The following PPIG variants were observed in gnomAD, a reference collection of about 807,000 sequenced individuals.
PPIG encodes the protein peptidyl-prolyl cis-trans isomerase G.
In PPIG, 26 loss-of-function variants were observed where a neutral mutation model predicts 87.9. The ratio of observed to expected loss-of-function variants is 0.30; its 90% confidence interval spans 0.22 to 0.41. The LOEUF is 0.41. PPIG is among the 10% of genes least tolerant of loss of function. The pLI is 1.00. For missense variants in PPIG, 722 were observed against 879.4 expected (o/e 0.82, Z 2.26); for synonymous variants, 308 against 276.5 (o/e 1.11, Z -1.13).
rs1297972627 is a variant in PPIG, at chr2:169,639,397, G to A, written c.*1874G>A. 1.4e-5 allele frequency: 2 copies of A among 142,178 alleles called. No individual in the cohort carries two copies. Among genetic ancestry groups the A allele is most frequent in the Non-Finnish European group, 3.1e-5 (2 of 65,442 alleles). 8.8% of individuals were successfully genotyped at this position (142,178 alleles called of 1,614,324 possible). On this transcript the variant is annotated 3_prime_UTR_variant, in exon 14 of 14. Coordinates refer to ENST00000260970, the MANE Select transcript of PPIG (RefSeq NM_004792.3). ...TTAAGAAAGGTGCTATTTAAGAAAG[G>A]ATTTCTAATAACAGTTAAATATTTT...
intron 9 of PPIG, among the ~76,000 whole-genome samples, chr2:169,616,695 T>G (rs11693206): frequency 0.24 from 36,705 of 151,786 alleles, 4,639 homozygotes; most frequent in Non-Finnish European, 0.27. Context: ...GATGGGGTGG[T>G]TTGTTTTTTT....
In PPIG at chr2:169,636,451, CAGTT is replaced by C; in HGVS notation, c.1196_1199del (p.Val399GlufsTer2). 6.4e-7 allele frequency: 1 copy of C among 1,557,092 alleles called. No individual in the cohort carries two copies. Among genetic ancestry groups the C allele is most frequent in the Non-Finnish European group, 8.6e-7 (1 of 1,157,410 alleles). ...GAAATAAAAGAAAATCAGAGAAGTC[CAGTT>C]AGAGTAAAAGAGAGAAAAATAACAG... On this transcript the variant is annotated frameshift_variant, in exon 14 of 14. Transcript: ENST00000260970. LOFTEE classifies it high-confidence loss of function.
chr2:169,620,092 C>A (rs1383138701), intron 9 of PPIG, among the ~76,000 whole-genome samples: 1 of 151,970 alleles, frequency 6.6e-6, no homozygotes, highest in Admixed American at 6.6e-5. Flanking sequence ...GATGTTATCC[C>A]ATTTGTCTTA....
intron 12 of PPIG, chr2:169,633,498 C>A (rs1018946629): frequency 3.8e-6 from 2 of 528,322 alleles, no homozygotes; most frequent in Non-Finnish European, 6.5e-6. Flanking sequence ...TCTTGTCTCC[C>A]GTGTTTCTTG....
intron 11 of PPIG, among the ~76,000 whole-genome samples, chr2:169,632,836 T>C (rs1686092604): frequency 6.6e-6 from 1 of 151,184 alleles, no homozygotes; most frequent in Admixed American, 6.6e-5. Context: ...TACATTGTCA[T>C]AATACAAGTA....
intron 9 of PPIG, among the ~76,000 whole-genome samples, chr2:169,620,800 A>G (rs908837689): frequency 5.9e-5 from 9 of 152,124 alleles, no homozygotes; most frequent in Admixed American, 4.6e-4. Flanking sequence ...CTATTTTATT[A>G]CAGATAATGG....
At chr2:169,587,042 T>G (rs1478236983) in intron 1 of PPIG, among the ~76,000 whole-genome samples, 1 of 152,072 alleles carries the variant, frequency 6.6e-6, no homozygotes, top group Admixed American at 6.6e-5. Context: ...CAAGGGATTC[T>G]CACGCCTCAG....
At chr2:169,598,199 A>G (rs976444055) in intron 1 of PPIG, among the ~76,000 whole-genome samples, 2 of 151,930 alleles carry the variant, frequency 1.3e-5, no homozygotes, top group Non-Finnish European at 2.9e-5. Context: ...CGGTTTTGCC[A>G]TGTTGCCCAG....
In PPIG at chr2:169,591,471, A is replaced by G. The variant is rs899045270; in HGVS notation, c.-70+6981A>G. ...GAATATAATAAAAGTATTAAAAGCT[A>G]TAGCTAAGTTTTAGAATTTTGTGCA... On this transcript the variant is annotated intron_variant, in intron 1 of 13. Coordinates refer to ENST00000260970, the MANE Select transcript of PPIG (RefSeq NM_004792.3). Among the ~76,000 whole-genome samples, 7 of 152,304 alleles carry G rather than the reference A, an allele frequency of 4.6e-5. No individual in the cohort carries two copies. In the East Asian group the frequency reaches 9.6e-4, roughly 21 times the overall value.
At chr2:169,635,965 A>G (rs1686170252) in intron 12 of PPIG, 127 bp from the exon 13 acceptor site, 1 of 489,542 alleles carries the variant, frequency 2.0e-6, no homozygotes. Context: ...TGCTTTTTAT[A>G]TTTTTTTTAT....
Position 169,607,118 on chromosome 2 carries a change from G to A in PPIG, c.259G>A (p.Gly87Arg). 6.4e-7 allele frequency: 1 copy of A among 1,568,930 alleles called. No individual in the cohort carries two copies. Among genetic ancestry groups the A allele is most frequent in the Non-Finnish European group, 8.7e-7 (1 of 1,143,916 alleles). ...TTCATTTTTAGGAAATGGACGAGGA[G>A]GGGAATCTATCTATGGAGGATTTTT... ...GDFSEGNGRG[G>R]ESIYGGFFED... The change falls in exon 6 of 14, where the codon GGG becomes AGG. Residue 87 changes from glycine to arginine, a missense_variant. Coordinates refer to ENST00000260970, the MANE Select transcript of PPIG (RefSeq NM_004792.3).
Position 169,636,978 on chromosome 2 carries a change from A to G in PPIG, c.1720A>G (p.Arg574Gly), listed in dbSNP as rs1360984107. The G allele has an allele frequency of 6.2e-7, 1 of 1,613,886 alleles. No homozygotes were observed. The highest frequency in any genetic ancestry group is 8.5e-7 in the Non-Finnish European group (1 of 1,179,966). ...AAGCAGAAGTAGGGACAGAAGCAGA[A>G]GAGTGCGATCAAGAACCCATGACAG... The part of the protein sequence containing the change: ...ERSRSRDRSR[R>G]VRSRTHDRDR... Residue 574 changes from arginine (R) to glycine (G), a missense_variant, in exon 14 of 14, where the codon AGA becomes GGA. Transcript: ENST00000260970.
chr2:169,611,137 C>T (rs1685477796), intron 7 of PPIG, among the ~76,000 whole-genome samples: 1 of 152,108 alleles, frequency 6.6e-6, no homozygotes, highest in African/African-American at 2.4e-5. Context: ...TTGCAGTGAG[C>T]CAGGGTCGTG....
At chr2:169,609,446 CAT>C (rs10581929) in intron 7 of PPIG, among the ~76,000 whole-genome samples, 61,097 of 151,642 alleles carry the variant, frequency 0.4, 12,912 homozygotes, top group East Asian at 0.58. Context: ...TGGGATTACA[CAT>C]GTGAGCTATG....
Position 169,640,263 on chromosome 2 carries a change from G to A in PPIG, c.*2740G>A, listed in dbSNP as rs1038096542. 2 of 152,204 alleles carry A rather than the reference G, an allele frequency of 1.3e-5. No individual in the cohort carries two copies. Among genetic ancestry groups the A allele is most frequent in the Non-Finnish European group, 2.9e-5 (2 of 68,030 alleles). 9.4% of individuals were successfully genotyped at this position (152,204 alleles called of 1,614,324 possible). The stretch of plus-strand genomic sequence containing the variant: ...GCCTTTGCACAAATGTGATACTGAT[G>A]CATGGACGGCTTTGCGGAATGACCT... On this transcript the variant is annotated 3_prime_UTR_variant, in exon 14 of 14. Coordinates refer to ENST00000260970, the MANE Select transcript of PPIG (RefSeq NM_004792.3).
chr2:169,598,115 C>G (rs1685073324), intron 1 of PPIG, among the ~76,000 whole-genome samples: 1 of 151,928 alleles, frequency 6.6e-6, no homozygotes, highest in African/African-American at 2.4e-5. Flanking sequence ...ATCCTCCTGC[C>G]TCAGCCTCCC....
At chr2:169,619,589 C>G (rs1377967587) in intron 9 of PPIG, among the ~76,000 whole-genome samples, 1 of 151,926 alleles carries the variant, frequency 6.6e-6, no homozygotes, top group Non-Finnish European at 1.5e-5. Flanking sequence ...ATAGTTAGCT[C>G]TTCTTATTGC....
chr2:169,623,715 TAGTG>T (rs1265689116), intron 9 of PPIG, among the ~76,000 whole-genome samples: 5 of 152,132 alleles, frequency 3.3e-5, no homozygotes, highest in African/African-American at 1.2e-4. Context: ...TATTGGAAAA[TAGTG>T]AGATGTTAAA....
chr2:169,604,874 A>T (rs2105487799), intron 4 of PPIG, among the ~76,000 whole-genome samples: 1 of 138,358 alleles, frequency 7.2e-6, no homozygotes, highest in African/African-American at 2.7e-5. Context: ...GACTCCATCT[A>T]AAAAAAAAAA....
Sources: allele counts gnomAD v4.1 joint callset (sites outside exome capture counted in the v4.1 genomes callset), GRCh38; gene constraint gnomAD v4.1.1; transcripts MANE v1.5; gene names NCBI Gene and HGNC (gene_info 2026-07-23, HGNC 2026-07-21).